The following ANO1 variants were observed in gnomAD, a reference collection of about 807,000 sequenced individuals.
ANO1 encodes the protein anoctamin-1.
A neutral mutation model predicts 124.0 loss-of-function variants in ANO1; 59 were observed. That is an observed-to-expected ratio of 0.48 (90% CI 0.39 to 0.59). ANO1 has a LOEUF of 0.59. Ranked by LOEUF, ANO1 falls within the 20% of genes least tolerant of loss-of-function variation. The pLI is 0.00. For synonymous variants in ANO1, 529 were observed against 532.0 expected (o/e 0.99, Z 0.08); for missense variants, 1,059 against 1,328.0 (o/e 0.80, Z 3.15).
chr11:70,171,696 G>T (rs968936526), intron 22 of ANO1, among the ~76,000 whole-genome samples: 4 of 152,190 alleles, frequency 2.6e-5, no homozygotes, highest in Non-Finnish European at 5.9e-5. Flanking sequence ...GCTGAGCACC[G>T]TGGCTCACTC....
chr11:70,145,872 C>T (rs972932741), intron 11 of ANO1, among the ~76,000 whole-genome samples: 4 of 147,266 alleles, frequency 2.7e-5, no homozygotes, highest in African/African-American at 7.6e-5. Flanking sequence ...AGGAGGCAGA[C>T]GTTGCAGTGA....
intron 25 of ANO1, among the ~76,000 whole-genome samples, chr11:70,187,012 G>GCA (rs1014497258): frequency 6.6e-6 from 1 of 152,216 alleles, no homozygotes; most frequent in African/African-American, 2.4e-5. Flanking sequence ...TCACCTGGAG[G>GCA]CAAGGCAGCC....
At chr11:70,021,629 T>C (rs1856811560) in intron 1 of ANO1, among the ~76,000 whole-genome samples, 1 of 152,218 alleles carries the variant, frequency 6.6e-6, no homozygotes, top group East Asian at 1.9e-4. Context: ...ATCCACTTCC[T>C]GGTCCCTCTC....
chr11:69,980,271 G>A, the ANO1 span, among the ~76,000 whole-genome samples: 5 of 152,104 alleles, frequency 3.3e-5, no homozygotes, highest in Admixed American at 6.5e-5. Flanking sequence ...CTGGGGTTAG[G>A]GAAGTGGGGA....
chr11:70,138,215 C>T (rs1312871831), intron 11 of ANO1, among the ~76,000 whole-genome samples: 1 of 146,578 alleles, frequency 6.8e-6, no homozygotes, highest in African/African-American at 2.4e-5. Context: ...CGTAGTGGCA[C>T]GCGCCTGTAG....
chr11:70,021,855 C>T (rs1056933305), intron 1 of ANO1, among the ~76,000 whole-genome samples: 6 of 152,168 alleles, frequency 3.9e-5, no homozygotes, highest in African/African-American at 9.7e-5. Context: ...CAGGCAGGAG[C>T]GTGCGAACTG....
chr11:70,102,962 C>A, intron 2 of ANO1, 104 bp from the exon 3 acceptor site: 1 of 765,962 alleles, frequency 1.3e-6, no homozygotes, highest in Non-Finnish European at 2.2e-6. Flanking sequence ...AGCAGCCATG[C>A]ACAGTAGCTG....
At chr11:70,173,642 A>G (rs2048559872) in intron 22 of ANO1, among the ~76,000 whole-genome samples, 1 of 152,242 alleles carries the variant, frequency 6.6e-6, no homozygotes, top group South Asian at 2.1e-4. Context: ...GTTAAGAGCC[A>G]GAGAGTGAAC....
chr11:69,988,870 C>T (rs1856098659), intron 1 of ANO1, among the ~76,000 whole-genome samples: 2 of 151,908 alleles, frequency 1.3e-5, no homozygotes, highest in Non-Finnish European at 2.9e-5. Context: ...ACATGCCTCT[C>T]TGCACTAATA....
intron 1 of ANO1, among the ~76,000 whole-genome samples, chr11:70,084,187 T>C (rs956645117): frequency 6.6e-6 from 1 of 152,156 alleles, no homozygotes; most frequent in East Asian, 1.9e-4. Flanking sequence ...CTCGAGACCC[T>C]GCATTCACCT....
At chr11:70,068,260 G>A (rs150361577) in intron 1 of ANO1, among the ~76,000 whole-genome samples, 2 of 152,234 alleles carry the variant, frequency 1.3e-5, no homozygotes, top group African/African-American at 4.8e-5. Context: ...GCAAGTGTCC[G>A]TGCAGGGGTT....
chr11:70,036,203 C>T (rs182446651), intron 1 of ANO1, among the ~76,000 whole-genome samples: 1 of 152,242 alleles, frequency 6.6e-6, no homozygotes, highest in African/African-American at 2.4e-5. Flanking sequence ...CCTTCCTTGC[C>T]CCGTACAGTC....
At chr11:70,116,403 C>T (rs373727703) in intron 7 of ANO1, 55 bp from the exon 8 acceptor site, 50 of 1,500,032 alleles carry the variant, frequency 3.3e-5, no homozygotes, top group Middle Eastern at 3.4e-4. Flanking sequence ...TGGATGTGAG[C>T]GCCTCCAAAG....
the ANO1 span, among the ~76,000 whole-genome samples, chr11:69,969,023 A>C: frequency 6.6e-6 from 1 of 152,172 alleles, no homozygotes; most frequent in Non-Finnish European, 1.5e-5. Context: ...AGAGAGGAGC[A>C]GTTAGATATG....
chr11:70,078,732 C>A lies in ANO1; in HGVS notation c.108+18C>A. On this transcript the variant is annotated intron_variant, in intron 1 of 25. Coordinates refer to ENST00000355303, the MANE Select transcript of ANO1 (RefSeq NM_018043.7). ...AGGGCACGGTGAGTGCGGGCGGCCG[C>A]GACCCGGGCGGGAGGGCCGCGCACC... The A allele has an allele frequency of 7.0e-7, 1 of 1,436,760 alleles. No homozygotes were observed. The highest frequency in any genetic ancestry group is 1.3e-5 in the South Asian group (1 of 78,492). 89.0% of individuals were successfully genotyped at this position (1,436,760 alleles called of 1,614,324 possible).
intron 16 of ANO1, among the ~76,000 whole-genome samples, chr11:70,160,759 G>T (rs1288708931): frequency 1.3e-5 from 2 of 152,250 alleles, no homozygotes; most frequent in Admixed American, 1.3e-4. Context: ...TCTGGGACAA[G>T]CCACTGGCAT....
At chr11:70,140,663 G>A (rs1315652789) in intron 11 of ANO1, among the ~76,000 whole-genome samples, 1 of 152,308 alleles carries the variant, frequency 6.6e-6, no homozygotes, top group African/African-American at 2.4e-5. Context: ...TTATGTAGAG[G>A]ATAACAAAGA....
chr11:70,102,931 G>A (rs531029204), intron 2 of ANO1, 135 bp from the exon 3 acceptor site: 38 of 636,614 alleles, frequency 6.0e-5, no homozygotes, highest in Admixed American at 1.2e-4. Flanking sequence ...TGTTGTCAAC[G>A]TGGAATGAGG....
At chr11:70,085,337 G>A in intron 1 of ANO1, 59 of 1,235,698 alleles carry the variant, frequency 4.8e-5, no homozygotes, top group East Asian at 2.5e-4. Flanking sequence ...GCCCTCCCAA[G>A]CCACCCACCC....
Sources: gnomAD v4.1 joint callset for allele counts (sites outside exome capture counted in the v4.1 genomes callset) on GRCh38, gnomAD v4.1.1 for gene constraint, MANE v1.5 for transcripts, NCBI Gene and HGNC (gene_info 2026-07-23, HGNC 2026-07-21) for gene names.